GRID2: variants seen among roughly 807,000 people sequenced by gnomAD.
GRID2 encodes glutamate ionotropic receptor delta type subunit 2, also known as glutamate receptor ionotropic, delta-2.
GRID2 carries 33 observed loss-of-function variants against 114.8 expected under a neutral mutation model. The observed-to-expected ratio is 0.29, with a 90% CI of 0.22 to 0.38. GRID2 has a LOEUF of 0.38. Ranked by LOEUF, GRID2 falls within the 10% of genes least tolerant of loss-of-function variation. GRID2 has a pLI of 1.00. For missense variants in GRID2, 1,184 were observed against 1,257.7 expected, an observed-to-expected ratio of 0.94 and a Z score of 0.89; for synonymous variants, 505 against 449.9, an observed-to-expected ratio of 1.12 and a Z score of -1.55.
At chr4:93,217,971 C>T (rs985158694) in intron 6 of GRID2, among the ~76,000 whole-genome samples, 1 of 151,682 alleles carries the variant, frequency 6.6e-6, no homozygotes, top group African/African-American at 2.4e-5. Flanking sequence ...AAATATAACC[C>T]TAGGAAAACT....
At chr4:93,002,439 C>A (rs1384876266) in intron 2 of GRID2, among the ~76,000 whole-genome samples, 2 of 151,300 alleles carry the variant, frequency 1.3e-5, no homozygotes, top group Non-Finnish European at 3.0e-5. Context: ...CCGATGACTT[C>A]ATTCTGGTCA....
intron 1 of GRID2, among the ~76,000 whole-genome samples, chr4:92,369,080 G>A (rs1729000849): frequency 6.6e-6 from 1 of 151,742 alleles, no homozygotes; most frequent in African/African-American, 2.4e-5. Context: ...TTACTAGCTG[G>A]TAAAAACCAG....
At chr4:92,434,406 C>T (rs1732630148) in intron 1 of GRID2, among the ~76,000 whole-genome samples, 3 of 152,114 alleles carry the variant, frequency 2.0e-5, no homozygotes, top group South Asian at 2.1e-4. Context: ...TCTTAAATGG[C>T]GTTAAACATA....
rs1255888946 is a variant in GRID2 at position 93,250,658 on chromosome 4, T to A, written c.1245+12168T>A. 9.0e-5 allele frequency among the ~76,000 whole-genome samples: 13 copies of A among 143,764 alleles called. No individual in the cohort carries two copies. The East Asian group carries it at 2.0e-3, about 22-fold the overall frequency. The allele number at this position is 143,764 out of a possible 152,430, so 94.3% of individuals were successfully genotyped here. A position where few individuals can be genotyped will look rare whatever the true frequency, so the allele number is the denominator to read the frequency against. Reference sequence around the variant, plus strand: ...TCATTACATATATATATATATATTTTATATATTTATATATTTTATATATTA... The same window carrying A: ...TCATTACATATATATATATATATTTAATATATTTATATATTTTATATATTA... On this transcript the variant is annotated intron_variant, in intron 8 of 15. Coordinates refer to ENST00000282020, the MANE Select transcript of GRID2 (RefSeq NM_001510.4).
chr4:92,941,011 A>G (rs574567628), intron 2 of GRID2, among the ~76,000 whole-genome samples: 3 of 152,112 alleles, frequency 2.0e-5, no homozygotes, highest in African/African-American at 7.2e-5. Context: ...TTCATGAGGG[A>G]TATTGGTTTA....
At chr4:93,346,314 A>G (rs912628893) in intron 8 of GRID2, among the ~76,000 whole-genome samples, 4 of 152,120 alleles carry the variant, frequency 2.6e-5, no homozygotes, top group African/African-American at 9.7e-5. Context: ...TTACTATTAC[A>G]TTTTTAGAAA....
intron 2 of GRID2, among the ~76,000 whole-genome samples, chr4:92,940,017 T>A (rs1390656183): frequency 6.8e-6 from 1 of 147,318 alleles, no homozygotes; most frequent in Non-Finnish European, 1.5e-5. Context: ...CTAGCTTTGT[T>A]CTTTTGGCTT....
At chr4:92,367,415 T>A (rs940508035) in intron 1 of GRID2, among the ~76,000 whole-genome samples, 1 of 151,928 alleles carries the variant, frequency 6.6e-6, no homozygotes, top group East Asian at 1.9e-4. Flanking sequence ...CTGAGAGTAG[T>A]AGGAAAAGTG....
intron 2 of GRID2, among the ~76,000 whole-genome samples, chr4:92,854,492 A>G (rs1299695190): frequency 6.6e-6 from 1 of 151,718 alleles, no homozygotes; most frequent in Non-Finnish European, 1.5e-5. Flanking sequence ...ATTTAATTAT[A>G]CATGTTTCGA....
At chr4:92,389,205 T>G (rs1730128335) in intron 1 of GRID2, among the ~76,000 whole-genome samples, 1 of 152,048 alleles carries the variant, frequency 6.6e-6, no homozygotes, top group South Asian at 2.1e-4. Context: ...GCCACCAGTA[T>G]CTGAGATCAT....
chr4:92,412,844 TCTC>T (rs1333668743), intron 1 of GRID2, among the ~76,000 whole-genome samples: 2 of 152,144 alleles, frequency 1.3e-5, no homozygotes, highest in Non-Finnish European at 2.9e-5. Context: ...AATGTCTTCT[TCTC>T]CTTTGTTCAC....
At chr4:93,197,649 T>A (rs766261634) in intron 4 of GRID2, among the ~76,000 whole-genome samples, 1 of 152,172 alleles carries the variant, frequency 6.6e-6, no homozygotes, top group Non-Finnish European at 1.5e-5. Flanking sequence ...ACACATGTAA[T>A]GTTCCAGATG....
At chr4:92,750,234 A>G (rs2149338092) in intron 2 of GRID2, among the ~76,000 whole-genome samples, 1 of 152,040 alleles carries the variant, frequency 6.6e-6, no homozygotes, top group Admixed American at 6.5e-5. Flanking sequence ...CCCCTTGGGA[A>G]CTCTAGCTTA....
chr4:93,523,961 G>A (rs1422621553), intron 13 of GRID2, among the ~76,000 whole-genome samples: 2 of 151,948 alleles, frequency 1.3e-5, no homozygotes, highest in African/African-American at 2.4e-5. Context: ...TTTTCTGCTT[G>A]TTCCATTCCC....
At chr4:92,829,339 G>A (rs1040596457) in intron 2 of GRID2, among the ~76,000 whole-genome samples, 2 of 151,976 alleles carry the variant, frequency 1.3e-5, no homozygotes, top group Non-Finnish European at 2.9e-5. Flanking sequence ...TGCAAAAAAG[G>A]TCATCATCAC....
At chr4:92,574,960 T>A (rs2149196605) in intron 1 of GRID2, among the ~76,000 whole-genome samples, 1 of 152,332 alleles carries the variant, frequency 6.6e-6, no homozygotes, top group South Asian at 2.1e-4. Context: ...GGTACCCCAA[T>A]CAGTTATAGA....
intron 2 of GRID2, among the ~76,000 whole-genome samples, chr4:93,046,862 A>T (rs1461755019): frequency 6.6e-6 from 1 of 151,914 alleles, no homozygotes; most frequent in South Asian, 2.1e-4. Flanking sequence ...TGAATAATAA[A>T]CAGGAAAGAA....
intron 8 of GRID2, among the ~76,000 whole-genome samples, chr4:93,244,101 T>G (rs1276574275): frequency 1.3e-5 from 2 of 152,100 alleles, no homozygotes; most frequent in African/African-American, 4.8e-5. Context: ...TAATGTTGTT[T>G]GCTTATTTGT....
chr4:93,430,300 C>T (rs1409969436), intron 10 of GRID2, among the ~76,000 whole-genome samples: 1 of 152,148 alleles, frequency 6.6e-6, no homozygotes, highest in African/African-American at 2.4e-5. Context: ...CCTGCCTCAG[C>T]CTCCCAAGTA....
Sources: allele counts gnomAD v4.1 joint callset (sites outside exome capture counted in the v4.1 genomes callset), GRCh38; gene constraint gnomAD v4.1.1; transcripts MANE v1.5; gene names NCBI Gene and HGNC (gene_info 2026-07-23, HGNC 2026-07-21).